Variants in FAM227B observed in about 807,000 individuals in gnomAD.
FAM227B encodes protein FAM227B.
In FAM227B, 88 loss-of-function variants were observed where a neutral mutation model predicts 73.8. That is an observed-to-expected ratio of 1.19 (90% CI 1.00 to 1.42). The LOEUF is 1.42. Ranked by LOEUF, FAM227B falls within the 40% of genes most tolerant of loss-of-function variation. FAM227B has a pLI of 0.00. For synonymous variants in FAM227B, 210 were observed against 190.5 expected (o/e 1.10, Z -0.84); for missense variants, 632 against 590.9 (o/e 1.07, Z -0.72).
At chr15:49,406,707 CA>C (rs1287496857) in intron 11 of FAM227B, among the ~76,000 whole-genome samples, 1 of 151,958 alleles carries the variant, frequency 6.6e-6, no homozygotes, top group African/African-American at 2.4e-5. Context: ...GGTGCATACA[CA>C]GAGACGTGCA....
chr15:49,580,534 C>T (rs1357620628), intron 5 of FAM227B, among the ~76,000 whole-genome samples: 1 of 152,206 alleles, frequency 6.6e-6, no homozygotes, highest in Non-Finnish European at 1.5e-5. Flanking sequence ...TCAGCCCACA[C>T]AGATGAGAAT....
intron 11 of FAM227B, among the ~76,000 whole-genome samples, chr15:49,471,288 T>A (rs2054723225): frequency 1.3e-5 from 2 of 151,584 alleles, no homozygotes; most frequent in Admixed American, 1.3e-4. Flanking sequence ...AGTTCGAGAC[T>A]AGCCTGGCTA....
In FAM227B at chr15:49,399,346, A is replaced by G. The variant is rs1312839213; in HGVS notation, c.1013-27947T>C. ...GACCAATAACAGGATCTGAAATTGT[A>G]GCAATAATCAATAGCTTACCAACCA... On this transcript the variant is annotated intron_variant, in intron 11 of 15. Transcript: ENST00000299338. Among the ~76,000 whole-genome samples, 7 of 149,378 alleles carry G rather than the reference A, an allele frequency of 4.7e-5. No individual in the cohort carries two copies. In the East Asian group the frequency reaches 7.9e-4, roughly 17 times the overall value.
rs968377447 is a variant in FAM227B, at chr15:49,335,590, C to T, written c.1272-94G>A. On this transcript the variant is annotated intron_variant, in intron 13 of 15. Coordinates refer to ENST00000299338, the MANE Select transcript of FAM227B (RefSeq NM_152647.3). Reference sequence around the variant, plus strand: ...AGAGGAACCAAGGGGACCGTGTGACCTTCACTTTTCAGTAATGAAGAGTCT... The same window carrying T: ...AGAGGAACCAAGGGGACCGTGTGACTTTCACTTTTCAGTAATGAAGAGTCT... The T allele has an allele frequency of 5.1e-5, 41 of 808,172 alleles. No individual in the cohort carries two copies. The African/African-American group carries it at 6.7e-4, about 13-fold the overall frequency. The allele number at this position is 808,172 out of a possible 1,614,324, so 50.1% of individuals were successfully genotyped here.
intron 5 of FAM227B, among the ~76,000 whole-genome samples, chr15:49,585,484 C>T (rs1020609787): frequency 1.3e-5 from 2 of 152,172 alleles, no homozygotes; most frequent in African/African-American, 4.8e-5. Context: ...AAATGTGGCA[C>T]ATATACACCA....
chr15:49,375,462 T>A (rs910392508), intron 11 of FAM227B, among the ~76,000 whole-genome samples: 4 of 151,998 alleles, frequency 2.6e-5, no homozygotes, highest in Admixed American at 1.3e-4. Flanking sequence ...CTCAGGCAAG[T>A]TATAGATGCA....
At position 49,337,553 on chromosome 15, in the gene FAM227B, TC is replaced by T. The variant is rs1216337513; in HGVS notation, c.1272-2058del. ...TTTTTTTTAGTATTATACTTTAAGT[TC>T]TGGGATACATGTGCAGAACATGCAG... On this transcript the variant is annotated intron_variant, in intron 13 of 15. Transcript: ENST00000299338. Among the ~76,000 whole-genome samples the T allele has an allele frequency of 1.7e-4, 25 of 147,530 alleles. 1 individual carries two copies. Among genetic ancestry groups the T allele is most frequent in the Admixed American group, 1.6e-3 (23 of 14,756 alleles).
chr15:49,529,478 A>G (rs2060453682), intron 10 of FAM227B, among the ~76,000 whole-genome samples: 1 of 151,744 alleles, frequency 6.6e-6, no homozygotes, highest in African/African-American at 2.4e-5. Context: ...ATAATCTAAA[A>G]TAATCTAAAA....
intron 10 of FAM227B, among the ~76,000 whole-genome samples, chr15:49,539,145 T>C (rs1460391096): frequency 6.6e-6 from 1 of 152,086 alleles, no homozygotes; most frequent in Non-Finnish European, 1.5e-5. Context: ...AGGTGTAGTG[T>C]TTCTGGCTTG....
intron 9 of FAM227B, among the ~76,000 whole-genome samples, chr15:49,563,354 C>T (rs375482713): frequency 1.1e-4 from 17 of 151,914 alleles, no homozygotes; most frequent in African/African-American, 3.4e-4. Flanking sequence ...CATGAACAAA[C>T]GGAAAAACAT....
At chr15:49,483,945 T>C (rs1411507472) in intron 11 of FAM227B, among the ~76,000 whole-genome samples, 1 of 152,048 alleles carries the variant, frequency 6.6e-6, no homozygotes, top group Non-Finnish European at 1.5e-5. Context: ...GAGGTTCTGC[T>C]AATTATACCA....
rs1567382163 is a variant in FAM227B, at chr15:49,489,840, T to TTTATATATATATATA, written c.1012+18356_1012+18370dup. Among the ~76,000 whole-genome samples the TTTATATATATATATA allele has an allele frequency of 1.8e-4, 4 of 21,834 alleles. 2 individuals carry two copies. Among genetic ancestry groups the TTTATATATATATATA allele is most frequent in the Non-Finnish European group, 3.2e-4 (4 of 12,682 alleles). 14.3% of individuals were successfully genotyped at this position (21,834 alleles called of 152,430 possible). ...ATATATTTTATATATATATATATAT[T>TTTATATATATATATA]TTATATATATATATATATTTTATAT... On this transcript the variant is annotated intron_variant, in intron 11 of 15. Coordinates refer to ENST00000299338, the MANE Select transcript of FAM227B (RefSeq NM_152647.3).
intron 11 of FAM227B, among the ~76,000 whole-genome samples, chr15:49,467,460 C>CT (rs144866721): frequency 0.014 from 2,095 of 152,122 alleles, 41 homozygotes; most frequent in African/African-American, 0.048. Flanking sequence ...ACCTCTCATC[C>CT]TATGTAATGA....
At chr15:49,555,172 T>C (rs2073517061) in intron 9 of FAM227B, among the ~76,000 whole-genome samples, 1 of 152,234 alleles carries the variant, frequency 6.6e-6, no homozygotes, top group South Asian at 2.1e-4. Context: ...TTTATAATGT[T>C]GTTGGTTTAG....
At chr15:49,355,253 G>A (rs923271982) in intron 13 of FAM227B, among the ~76,000 whole-genome samples, 3 of 152,226 alleles carry the variant, frequency 2.0e-5, no homozygotes, top group East Asian at 1.9e-4. Flanking sequence ...TGACTTTGAA[G>A]AGCTCAGAGA....
At chr15:49,396,131 G>A (rs1397072820) in intron 11 of FAM227B, 3 of 386,768 alleles carry the variant, frequency 7.8e-6, no homozygotes, top group South Asian at 3.8e-5. Context: ...GCAGGTCAGT[G>A]GGTGTGCTCA....
At chr15:49,540,684 G>A (rs1281522393) in intron 10 of FAM227B, among the ~76,000 whole-genome samples, 1 of 152,190 alleles carries the variant, frequency 6.6e-6, no homozygotes, top group Non-Finnish European at 1.5e-5. Flanking sequence ...ATTGTGAGGT[G>A]TAGTAGAGAT....
Position 49,541,798 on chromosome 15 carries a change from A to C in FAM227B, c.756T>G (p.Pro252=), listed in dbSNP as rs1005019633. The C allele has an allele frequency of 6.3e-6, 9 of 1,433,114 alleles. No homozygotes were observed. The highest frequency in any genetic ancestry group is 1.5e-5 in the African/African-American group (1 of 68,296). The allele number at this position is 1,433,114 out of a possible 1,614,324, so 88.8% of individuals were successfully genotyped here. Residue 252 remains proline, a synonymous_variant, in exon 10 of 16, where the codon CCT becomes CCG. Coordinates refer to ENST00000299338, the MANE Select transcript of FAM227B (RefSeq NM_152647.3). The stretch of plus-strand genomic sequence containing the variant: ...CATATATGGCTTGTGCCAAACAATC[A>C]GGATATATCTACCAAAATAAAATCA... ...SRKDAFFQIY[P]DCLAQAIYAT... is the part of the protein sequence containing the mutation.
At chr15:49,540,203 C>A (rs2070864984) in intron 10 of FAM227B, among the ~76,000 whole-genome samples, 1 of 152,148 alleles carries the variant, frequency 6.6e-6, no homozygotes, top group South Asian at 2.1e-4. Context: ...GTGAAAGCTG[C>A]AGGGAGTGTG....
Sources: gnomAD v4.1 joint callset for allele counts (sites outside exome capture counted in the v4.1 genomes callset) on GRCh38, gnomAD v4.1.1 for gene constraint, MANE v1.5 for transcripts, NCBI Gene and HGNC (gene_info 2026-07-23, HGNC 2026-07-21) for gene names.